ASTN2: variants seen among roughly 807,000 people sequenced by gnomAD.
ASTN2 encodes the protein astrotactin 2.
In ASTN2, 54 loss-of-function variants were observed where a neutral mutation model predicts 139.8. The observed-to-expected ratio is 0.39, with a 90% CI of 0.31 to 0.48. ASTN2 has a LOEUF of 0.48. ASTN2 is among the 20% of genes least tolerant of loss of function. The probability of loss-of-function intolerance (pLI) is 0.95; values close to 1 mark genes in which losing one functional copy is unlikely to be tolerated. For missense variants in ASTN2, 1,565 were observed against 1,725.1 expected, an observed-to-expected ratio of 0.91 and a Z score of 1.64; for synonymous variants, 756 against 719.5, an observed-to-expected ratio of 1.05 and a Z score of -0.81.
At position 116,725,944 on chromosome 9, in the gene ASTN2, G is replaced by C; in HGVS notation, c.2633C>G (p.Thr878Ser). 6.2e-7 allele frequency: 1 copy of C among 1,612,156 alleles called. No homozygotes were observed. Among genetic ancestry groups the C allele is most frequent in the Non-Finnish European group, 8.5e-7 (1 of 1,179,396 alleles). The change falls in exon 16 of 23, where the codon ACT becomes AGT. Residue 878 changes from threonine to serine, a missense_variant. Thr to Ser is a moderately conservative substitution (Grantham distance 58). Around this residue, in one of 4 missense-constraint regions of ASTN2, gnomAD observed 503 missense variants for 591.7 expected, o/e 0.85. Coordinates refer to ENST00000313400, the MANE Select transcript of ASTN2 (RefSeq NM_001365068.1). Reference sequence around the variant, plus strand: ...CTTGGTCAGGATCTTGAGAACATTAGTGAAGCCTGGACAAGAGAGGAGCAT... The same window carrying C: ...CTTGGTCAGGATCTTGAGAACATTACTGAAGCCTGGACAAGAGAGGAGCAT... ...LSTITLAAGF[T>S]NVLKILTKES...
chr9:116,885,379 C>A (rs748731590), intron 10 of ASTN2, among the ~76,000 whole-genome samples: 1 of 152,142 alleles, frequency 6.6e-6, no homozygotes, highest in Non-Finnish European at 1.5e-5. Context: ...CTTATCTCAA[C>A]GGAGCACGGA....
At chr9:117,210,120 CAAT>C (rs1832071791) in intron 3 of ASTN2, among the ~76,000 whole-genome samples, 2 of 151,870 alleles carry the variant, frequency 1.3e-5, no homozygotes, top group African/African-American at 4.8e-5. Flanking sequence ...GATTTCAAAT[CAAT>C]AACCTATTAA....
intron 13 of ASTN2, among the ~76,000 whole-genome samples, chr9:116,782,508 A>G (rs1486011535): frequency 1.3e-5 from 2 of 152,100 alleles, no homozygotes; most frequent in Non-Finnish European, 2.9e-5. Context: ...ATAAACTTCT[A>G]TTATCCTTTC....
chr9:116,712,518 A>G, intron 16 of ASTN2, among the ~76,000 whole-genome samples: 1 of 152,204 alleles, frequency 6.6e-6, no homozygotes. Context: ...AGCTTAGCTC[A>G]TATGTTGACA....
intron 4 of ASTN2, among the ~76,000 whole-genome samples, chr9:117,128,539 T>C (rs1355157266): frequency 6.6e-6 from 1 of 152,168 alleles, no homozygotes; most frequent in African/African-American, 2.4e-5. Flanking sequence ...TCTAATCTTG[T>C]GGCTAATGTG....
At chr9:116,894,940 G>A (rs1833847721) in intron 10 of ASTN2, among the ~76,000 whole-genome samples, 1 of 152,090 alleles carries the variant, frequency 6.6e-6, no homozygotes, top group South Asian at 2.1e-4. Flanking sequence ...AAGGTTCTTG[G>A]GTTATTTATT....
chr9:116,714,018 C>T (rs1167901815), intron 16 of ASTN2, among the ~76,000 whole-genome samples: 1 of 152,152 alleles, frequency 6.6e-6, no homozygotes, highest in Non-Finnish European at 1.5e-5. Flanking sequence ...GTTATGAAGA[C>T]AATATGAGAT....
At chr9:116,969,781 C>T (rs2132516735) in intron 10 of ASTN2, among the ~76,000 whole-genome samples, 1 of 152,288 alleles carries the variant, frequency 6.6e-6, no homozygotes, top group South Asian at 2.1e-4. Context: ...GCATTAGAAT[C>T]ACCTGAGGAC....
At chr9:116,726,611 C>T (rs77113518) in intron 15 of ASTN2, among the ~76,000 whole-genome samples, 2 of 152,272 alleles carry the variant, frequency 1.3e-5, no homozygotes, top group East Asian at 1.9e-4. Flanking sequence ...TGTAGCATTG[C>T]TTTTCTTTAT....
intron 4 of ASTN2, 84 bp downstream of exon 4, chr9:117,141,242 G>C: frequency 7.8e-7 from 1 of 1,281,612 alleles, no homozygotes; most frequent in Non-Finnish European, 1.0e-6. Flanking sequence ...GGAAGCAAGG[G>C]AAGAATGCAC....
intron 19 of ASTN2, among the ~76,000 whole-genome samples, chr9:116,601,424 G>A (rs1854892473): frequency 6.6e-6 from 1 of 152,172 alleles, no homozygotes; most frequent in Non-Finnish European, 1.5e-5. Flanking sequence ...ATGATCAAAT[G>A]TATATTTTAA....
At chr9:116,526,969 G>A (rs578237341) in intron 19 of ASTN2, among the ~76,000 whole-genome samples, 119 of 152,300 alleles carry the variant, frequency 7.8e-4, no homozygotes, top group Non-Finnish European at 1.2e-3. Flanking sequence ...TCAATAAACG[G>A]TGCTGGGAAA....
At position 117,120,759 on chromosome 9, in the gene ASTN2, A is replaced by G. The variant is rs1354054417; in HGVS notation, c.1168+20567T>C. On this transcript the variant is annotated intron_variant, in intron 4 of 22. Transcript: ENST00000313400. Reference sequence around the variant, plus strand: ...GTGGAGACATTTCCATTGCCACCCAAGAGAGGAAACTAAAACTAAAGTCTC... The same window carrying G: ...GTGGAGACATTTCCATTGCCACCCAGGAGAGGAAACTAAAACTAAAGTCTC... Among the ~76,000 whole-genome samples the G allele has an allele frequency of 2.0e-5, 3 of 152,346 alleles. No individual in the cohort carries two copies. The South Asian group carries it at 6.2e-4, about 32-fold the overall frequency.
At chr9:117,355,731 A>G (rs898681724) in intron 1 of ASTN2, among the ~76,000 whole-genome samples, 1 of 152,082 alleles carries the variant, frequency 6.6e-6, no homozygotes, top group African/African-American at 2.4e-5. Flanking sequence ...CTGTGATGCC[A>G]GAGTCTGTCG....
At chr9:117,275,924 T>C (rs1292660330) in intron 2 of ASTN2, among the ~76,000 whole-genome samples, 1 of 152,162 alleles carries the variant, frequency 6.6e-6, no homozygotes, top group Non-Finnish European at 1.5e-5. Context: ...CCTTAAAGGC[T>C]GTATCTCCTA....
intron 3 of ASTN2, among the ~76,000 whole-genome samples, chr9:117,212,436 C>A (rs569317290): frequency 1.3e-5 from 2 of 151,996 alleles, no homozygotes; most frequent in South Asian, 4.2e-4. Context: ...CTAAAAAGCT[C>A]CTGCACAGCA....
chr9:116,617,768 C>T (rs932044556), intron 19 of ASTN2, among the ~76,000 whole-genome samples: 1 of 152,154 alleles, frequency 6.6e-6, no homozygotes, highest in African/African-American at 2.4e-5. Flanking sequence ...CACAGGTGAA[C>T]GCTTTGCTTC....
intron 2 of ASTN2, among the ~76,000 whole-genome samples, chr9:117,252,893 A>C (rs1262238231): frequency 1.3e-5 from 2 of 152,146 alleles, no homozygotes; most frequent in African/African-American, 2.4e-5. Context: ...AAGAATGTGC[A>C]CTTCAGATGG....
At chr9:116,680,100 G>A (rs1354946654) in intron 16 of ASTN2, among the ~76,000 whole-genome samples, 2 of 151,856 alleles carry the variant, frequency 1.3e-5, no homozygotes, top group African/African-American at 2.4e-5. Context: ...TTTTTTGAAA[G>A]GATCAACAAA....
Sources: allele counts gnomAD v4.1 joint callset (sites outside exome capture counted in the v4.1 genomes callset), GRCh38; gene constraint gnomAD v4.1.1; regional missense constraint gnomAD v4.1.1; transcripts MANE v1.5; gene names NCBI Gene and HGNC (gene_info 2026-07-23, HGNC 2026-07-21).